The following PTPRN2 variants were observed in gnomAD, a reference collection of about 807,000 sequenced individuals.
The protein encoded by PTPRN2 is receptor-type tyrosine-protein phosphatase N2.
Under a neutral mutation model 118.8 loss-of-function variants are expected in PTPRN2, and 74 were observed. The ratio of observed to expected loss-of-function variants is 0.62; its 90% CI spans 0.52 to 0.76. PTPRN2 has a LOEUF of 0.76. Ranked by LOEUF, PTPRN2 falls within the 30% of genes least tolerant of loss-of-function variation. PTPRN2 has a pLI of 0.00. For missense variants in PTPRN2, 1,481 were observed against 1,394.4 expected (o/e 1.06, Z -0.99); for synonymous variants, 641 against 608.0 (o/e 1.05, Z -0.80).
At chr7:157,748,059 T>C (rs1801124558) in intron 12 of PTPRN2, among the ~76,000 whole-genome samples, 1 of 139,186 alleles carries the variant, frequency 7.2e-6, no homozygotes, top group Non-Finnish European at 1.6e-5. Context: ...CGGGTGATTC[T>C]GAGGCCTGCG....
chr7:158,435,419 T>G (rs1215568885), intron 2 of PTPRN2, among the ~76,000 whole-genome samples: 3 of 152,112 alleles, frequency 2.0e-5, no homozygotes, highest in Non-Finnish European at 4.4e-5. Context: ...TCAAACTTGT[T>G]AGGATACCTA....
intron 2 of PTPRN2, among the ~76,000 whole-genome samples, chr7:158,329,909 T>A (rs1586288744): frequency 6.6e-6 from 1 of 152,064 alleles, no homozygotes; most frequent in South Asian, 2.1e-4. Flanking sequence ...CTACATGGAG[T>A]GACTGGCAGA....
intron 11 of PTPRN2, among the ~76,000 whole-genome samples, chr7:158,062,142 C>T (rs899075598): frequency 2.9e-4 from 44 of 152,268 alleles, no homozygotes; most frequent in African/African-American, 1.0e-3. Flanking sequence ...GAGCACTGAG[C>T]ACAGAGGTTA....
At chr7:157,765,499 A>T (rs1345943300) in intron 12 of PTPRN2, among the ~76,000 whole-genome samples, 1 of 145,568 alleles carries the variant, frequency 6.9e-6, no homozygotes, top group African/African-American at 2.6e-5. Flanking sequence ...CCACCCATCC[A>T]TCCATCCTTC....
chr7:158,026,979 C>T (rs770367033), intron 11 of PTPRN2, among the ~76,000 whole-genome samples: 3 of 152,226 alleles, frequency 2.0e-5, no homozygotes, highest in South Asian at 2.1e-4. Flanking sequence ...ACCCCACCAT[C>T]GTGACACTCG....
intron 11 of PTPRN2, among the ~76,000 whole-genome samples, chr7:158,006,634 T>G (rs1805648755): frequency 6.6e-6 from 1 of 152,182 alleles, no homozygotes; most frequent in South Asian, 2.1e-4. Context: ...TTAAGGGCCA[T>G]CCCACCCCTA....
chr7:158,294,330 T>C (rs1244816317), intron 3 of PTPRN2, among the ~76,000 whole-genome samples: 1 of 152,230 alleles, frequency 6.6e-6, no homozygotes, highest in African/African-American at 2.4e-5. Flanking sequence ...GATTCTCAAA[T>C]ACATAAAAAT....
chr7:157,606,037 G>C (rs145944378), intron 15 of PTPRN2, among the ~76,000 whole-genome samples: 29 of 152,104 alleles, frequency 1.9e-4, no homozygotes, highest in African/African-American at 7.0e-4. Context: ...GGCCAGAGCT[G>C]AGCTGCCCTC....
rs1563254688 is a variant in PTPRN2, at chr7:158,407,259, CCTGGGTCCT to C, written c.163+82467_163+82475del. ...GGGTCCTGGGTCCTGCGTCCTGGGT[CCTGGGTCCT>C]GGGTCCTGGGTCCTGGGTCCTGGGT... On this transcript the variant is annotated intron_variant, in intron 2 of 22. Coordinates refer to ENST00000389418, the MANE Select transcript of PTPRN2 (RefSeq NM_002847.5). Among the ~76,000 whole-genome samples, 179 of 76,988 alleles carry C rather than the reference CCTGGGTCCT, an allele frequency of 2.3e-3. 6 individuals carry two copies. The highest frequency in any genetic ancestry group is 3.6e-3 in the Non-Finnish European group (142 of 39,758). The allele number at this position is 76,988 out of a possible 152,430, so 50.5% of individuals were successfully genotyped here. A position where few individuals can be genotyped will look rare whatever the true frequency, so the allele number is the denominator to read the frequency against.
At chr7:157,689,323 G>C (rs1055522312) in intron 12 of PTPRN2, among the ~76,000 whole-genome samples, 1 of 152,222 alleles carries the variant, frequency 6.6e-6, no homozygotes, top group Non-Finnish European at 1.5e-5. Context: ...CTCCAGGCGG[G>C]TGGCTCCACG....
intron 11 of PTPRN2, among the ~76,000 whole-genome samples, chr7:158,075,697 A>T (rs959592855): frequency 1.3e-5 from 2 of 152,198 alleles, no homozygotes; most frequent in Non-Finnish European, 2.9e-5. Context: ...TAAGAGCAGG[A>T]GGAGAGCGTG....
At chr7:158,352,309 CCCCTCCCTGCCAGCTA>C (rs1309952421) in intron 2 of PTPRN2, among the ~76,000 whole-genome samples, 8 of 135,722 alleles carry the variant, frequency 5.9e-5, no homozygotes, top group African/African-American at 1.7e-4. Flanking sequence ...CTTGACTGCT[CCCCTCCCTGCCAGCTA>C]CCCTCCTGAC....
intron 12 of PTPRN2, among the ~76,000 whole-genome samples, chr7:157,722,483 G>A (rs887154875): frequency 2.6e-5 from 4 of 152,210 alleles, no homozygotes; most frequent in Non-Finnish European, 4.4e-5. Flanking sequence ...CGTGGCTCCC[G>A]TGGGTGGTGC....
At chr7:157,643,120 G>T (rs1254532887) in intron 14 of PTPRN2, among the ~76,000 whole-genome samples, 2 of 152,226 alleles carry the variant, frequency 1.3e-5, no homozygotes, top group Non-Finnish European at 2.9e-5. Flanking sequence ...CGATGGGTTT[G>T]TTGGGACATA....
At chr7:157,595,558 T>TTAGGAAACCA (rs1563245499) in intron 16 of PTPRN2, among the ~76,000 whole-genome samples, 20 of 93,946 alleles carry the variant, frequency 2.1e-4, no homozygotes, top group African/African-American at 1.2e-3. Context: ...TTAGGAAGCC[T>TTAGGAAACCA]GGAGGTTAGG....
At chr7:158,552,730 A>T (rs1318849515) in intron 1 of PTPRN2, among the ~76,000 whole-genome samples, 1 of 152,236 alleles carries the variant, frequency 6.6e-6, no homozygotes, top group Non-Finnish European at 1.5e-5. Context: ...TACAGGTGTG[A>T]GACACCGTGC....
chr7:158,117,452 G>T (rs1316375997), intron 9 of PTPRN2, among the ~76,000 whole-genome samples: 2 of 152,132 alleles, frequency 1.3e-5, no homozygotes, highest in Non-Finnish European at 2.9e-5. Flanking sequence ...TATATGAATT[G>T]TGAGAGGAAA....
intron 11 of PTPRN2, among the ~76,000 whole-genome samples, chr7:158,047,662 C>T (rs928377193): frequency 3.9e-5 from 6 of 152,304 alleles, no homozygotes; most frequent in South Asian, 4.1e-4. Context: ...AGAGGAGGCA[C>T]GGCACATCTG....
chr7:157,568,750 T>C (rs1307401402), intron 21 of PTPRN2, 152 bp downstream of exon 21: 6 of 715,062 alleles, frequency 8.4e-6, no homozygotes, highest in Admixed American at 7.1e-5. Context: ...GAAGCAGATG[T>C]GCTTGCTGCA....
Sources: allele counts gnomAD v4.1 joint callset (sites outside exome capture counted in the v4.1 genomes callset), GRCh38; gene constraint gnomAD v4.1.1; transcripts MANE v1.5; gene names NCBI Gene and HGNC (gene_info 2026-07-23, HGNC 2026-07-21).